Variants in PICALM observed in about 807,000 individuals in gnomAD.
PICALM encodes phosphatidylinositol-binding clathrin assembly protein.
A neutral mutation model predicts 80.5 loss-of-function variants in PICALM; 40 were observed. The observed-to-expected ratio is 0.50, with a 90% CI of 0.39 to 0.65. The LOEUF (loss-of-function observed/expected upper bound fraction) is 0.65, where lower values mean the gene tolerates loss of function less well. PICALM is among the 30% of genes least tolerant of loss of function. PICALM has a pLI of 0.00. For synonymous variants in PICALM, 288 were observed against 260.3 expected (o/e 1.11, Z -1.02); for missense variants, 676 against 778.9 (o/e 0.87, Z 1.57).
At chr11:86,038,426 A>G (rs1021397101) in intron 1 of PICALM, among the ~76,000 whole-genome samples, 1 of 152,208 alleles carries the variant, frequency 6.6e-6, no homozygotes, top group African/African-American at 2.4e-5. Flanking sequence ...TTTTGAACAC[A>G]AGTTCAATCT....
intron 4 of PICALM, among the ~76,000 whole-genome samples, chr11:86,019,262 T>C (rs2095529288): frequency 1.7e-5 from 1 of 58,622 alleles, no homozygotes; most frequent in African/African-American, 9.0e-5. Flanking sequence ...TTATACCTGA[T>C]ATTCTTGATT....
chr11:86,048,873 A>G (rs1282071033), intron 1 of PICALM, among the ~76,000 whole-genome samples: 4 of 151,966 alleles, frequency 2.6e-5, no homozygotes, highest in Non-Finnish European at 5.9e-5. Context: ...ACTGCCTGCT[A>G]AACTGTAACT....
At chr11:86,065,778 G>A (rs1227621284) in intron 1 of PICALM, among the ~76,000 whole-genome samples, 2 of 152,060 alleles carry the variant, frequency 1.3e-5, no homozygotes, top group African/African-American at 4.8e-5. Context: ...TACAGTATAA[G>A]CAAAGCAAAA....
At position 85,973,791 on chromosome 11, in the gene PICALM, CTCAT is replaced by C. The variant is rs1389592461; in HGVS notation, c.1944+913_1944+916del. Among the ~76,000 whole-genome samples, 5 of 152,140 alleles carry C rather than the reference CTCAT, an allele frequency of 3.3e-5. 1 individual carries two copies. The South Asian group carries it at 1.0e-3, about 32-fold the overall frequency. Reference sequence around the variant, plus strand: ...GAATAACAAGTCCACTAAGCAAATGCTCATTCAAATGTTTTCAAGCATTAAACAC... The same window carrying C: ...GAATAACAAGTCCACTAAGCAAATGCTCAAATGTTTTCAAGCATTAAACAC... On this transcript the variant is annotated intron_variant, in intron 19 of 19. Transcript: ENST00000393346.
chr11:86,044,199 T>C (rs2096026306), intron 1 of PICALM, among the ~76,000 whole-genome samples: 1 of 152,170 alleles, frequency 6.6e-6, no homozygotes. Context: ...TCTTAGCTCT[T>C]GGAAGGGATG....
At chr11:86,015,926 C>T (rs1362164502) in intron 4 of PICALM, among the ~76,000 whole-genome samples, 1 of 152,204 alleles carries the variant, frequency 6.6e-6, no homozygotes, top group African/African-American at 2.4e-5. Context: ...AACAACTGTG[C>T]TTTGTAGGAC....
chr11:85,975,522 T>C (rs1323835860), intron 18 of PICALM, among the ~76,000 whole-genome samples: 4 of 152,160 alleles, frequency 2.6e-5, no homozygotes, highest in Non-Finnish European at 4.4e-5. Context: ...GTTCTATTTA[T>C]TGTTTCAAGC....
intron 18 of PICALM, 92 bp from the exon 19 acceptor site, chr11:85,974,904 A>C: frequency 2.3e-6 from 2 of 871,828 alleles, no homozygotes; most frequent in Admixed American, 3.6e-5. Flanking sequence ...GACAGGTCCT[A>C]GTACCTTTGC....
rs1022552211 is a variant in PICALM at position 86,064,535 on chromosome 11, C to G, written c.130+4116G>C. On this transcript the variant is annotated intron_variant, in intron 1 of 19. Coordinates refer to ENST00000393346, the MANE Select transcript of PICALM (RefSeq NM_007166.4). Reference sequence around the variant, plus strand: ...AATTAGCTGTGCGTGGTAGCAGATGCCTGTGGTCCCAGGTACTCAGAAAGA... The same window carrying G: ...AATTAGCTGTGCGTGGTAGCAGATGGCTGTGGTCCCAGGTACTCAGAAAGA... Among the ~76,000 whole-genome samples the G allele has an allele frequency of 1.3e-3, 195 of 151,466 alleles. 2 individuals carry two copies. The highest frequency in any genetic ancestry group is 4.6e-3 in the African/African-American group (189 of 41,242).
At chr11:86,055,886 A>G (rs1308482680) in intron 1 of PICALM, among the ~76,000 whole-genome samples, 1 of 152,102 alleles carries the variant, frequency 6.6e-6, no homozygotes, top group Non-Finnish European at 1.5e-5. Flanking sequence ...CTATAATCCC[A>G]GCATTTTGGG....
At chr11:86,025,293 G>A (rs1329092934) in intron 3 of PICALM, among the ~76,000 whole-genome samples, 5 of 151,936 alleles carry the variant, frequency 3.3e-5, no homozygotes, top group Admixed American at 6.6e-5. Context: ...CCAGCTACTC[G>A]GGAGGCTGAG....
intron 1 of PICALM, among the ~76,000 whole-genome samples, chr11:86,046,710 A>G (rs1401229714): frequency 6.6e-6 from 1 of 152,170 alleles, no homozygotes; most frequent in East Asian, 1.9e-4. Context: ...TAATGCACAT[A>G]TGATTTCTTT....
At chr11:86,029,510 C>T (rs1343665068) in intron 2 of PICALM, among the ~76,000 whole-genome samples, 1 of 152,194 alleles carries the variant, frequency 6.6e-6, no homozygotes, top group Non-Finnish European at 1.5e-5. Context: ...AAAAAACACA[C>T]TAAAATGCTA....
Position 86,012,312 on chromosome 11 carries a change from T to C in PICALM, c.627A>G (p.Ala209=). 1 of 1,606,220 alleles carries C rather than the reference T, an allele frequency of 6.2e-7. No homozygotes were observed. The highest frequency in any genetic ancestry group is 1.1e-5 in the South Asian group (1 of 90,626). The change falls in exon 6 of 20, where the codon GCA becomes GCG. Residue 209 remains alanine, a synonymous_variant. Coordinates refer to ENST00000393346, the MANE Select transcript of PICALM (RefSeq NM_007166.4). ...AATTAATAATTCCTTCATTGTATGC[T>C]GCAAACAGTCTAATGGCATCTTTGA... ...LLFKDAIRLF[A]AYNEGIINLL...
chr11:86,048,832 C>T (rs74896641), intron 1 of PICALM, among the ~76,000 whole-genome samples: 2,833 of 105,124 alleles, frequency 0.027, 96 homozygotes, highest in African/African-American at 0.11. Context: ...AGTGAAACTC[C>T]GTCTCAAAAA....
chr11:85,995,013 ATTTC>A (rs779936491), intron 12 of PICALM, among the ~76,000 whole-genome samples: 2 of 152,064 alleles, frequency 1.3e-5, no homozygotes, highest in Non-Finnish European at 2.9e-5. Flanking sequence ...CTTATATGAG[ATTTC>A]TTTATTTCAG....
intron 1 of PICALM, among the ~76,000 whole-genome samples, chr11:86,060,932 G>A (rs1468852686): frequency 6.6e-6 from 1 of 152,134 alleles, no homozygotes; most frequent in Non-Finnish European, 1.5e-5. Flanking sequence ...AGAAAGAACT[G>A]CTAAACTGGA....
intron 1 of PICALM, among the ~76,000 whole-genome samples, chr11:86,058,917 A>G (rs1321669116): frequency 3.9e-5 from 6 of 152,234 alleles, no homozygotes; most frequent in African/African-American, 1.4e-4. Flanking sequence ...AATTTCAAGA[A>G]TATGTCCTCA....
chr11:86,035,957 A>G (rs936135257), intron 1 of PICALM, among the ~76,000 whole-genome samples: 3 of 150,360 alleles, frequency 2.0e-5, no homozygotes, highest in Non-Finnish European at 4.4e-5. Context: ...CAAAAAAAAA[A>G]AAAAAAAAGA....
Sources: allele counts gnomAD v4.1 joint callset (sites outside exome capture counted in the v4.1 genomes callset), GRCh38; gene constraint gnomAD v4.1.1; transcripts MANE v1.5; gene names NCBI Gene and HGNC (gene_info 2026-07-23, HGNC 2026-07-21).